The following SMAP1 variants were observed in gnomAD, a reference collection of about 807,000 sequenced individuals.
SMAP1 encodes the protein stromal membrane-associated protein 1.
A neutral mutation model predicts 58.5 loss-of-function variants in SMAP1; 24 were observed. That is an observed-to-expected ratio of 0.41 (90% CI 0.30 to 0.58). The LOEUF (loss-of-function observed/expected upper bound fraction) is 0.58, where lower values mean the gene tolerates loss of function less well. Among genes scored for constraint, SMAP1 ranks in the 20% least tolerant of loss-of-function variants. SMAP1 has a pLI of 0.29. For missense variants in SMAP1, 563 were observed against 566.3 expected (o/e 0.99, Z 0.06); for synonymous variants, 216 against 196.6 (o/e 1.10, Z -0.82).
rs112355693 is a variant in SMAP1, at chr6:70,703,109, G to A, written c.119-29269G>A. Among the ~76,000 whole-genome samples the A allele has an allele frequency of 3.7e-3, 558 of 151,246 alleles. 4 individuals are homozygous for A. The highest frequency in any genetic ancestry group is 0.013 in the African/African-American group (524 of 41,160). ...ACTTTTTTTTTTGAGACAGAGTCTC[G>A]CTCTGTCACCCAGGCTGGAGTTCAG... On this transcript the variant is annotated intron_variant, in intron 1 of 10. Transcript: ENST00000370455.
intron 3 of SMAP1, among the ~76,000 whole-genome samples, chr6:70,771,237 C>T (rs1021698974): frequency 1.3e-5 from 2 of 152,248 alleles, no homozygotes; most frequent in Non-Finnish European, 2.9e-5. Context: ...TGCCCATTCT[C>T]AGATCTCCAG....
intron 1 of SMAP1, among the ~76,000 whole-genome samples, chr6:70,713,165 C>T (rs1480734920): frequency 6.6e-6 from 1 of 152,132 alleles, no homozygotes; most frequent in Non-Finnish European, 1.5e-5. Context: ...AGTCTTCTCT[C>T]TCTTTCTCTT....
chr6:70,754,034 G>T (rs1442682687), intron 2 of SMAP1, among the ~76,000 whole-genome samples: 1 of 152,094 alleles, frequency 6.6e-6, no homozygotes, highest in Non-Finnish European at 1.5e-5. Flanking sequence ...ACTCAACGCA[G>T]ATGTCAGGTA....
At chr6:70,828,879 A>G (rs1277726002) in intron 6 of SMAP1, among the ~76,000 whole-genome samples, 1 of 152,040 alleles carries the variant, frequency 6.6e-6, no homozygotes, top group Admixed American at 6.6e-5. Flanking sequence ...CTCAAACCCC[A>G]ACAGAACAAA....
At position 70,766,115 on chromosome 6, in the gene SMAP1, T is replaced by C. The variant is rs573515051; in HGVS notation, c.339-7235T>C. 2.5e-4 allele frequency among the ~76,000 whole-genome samples: 38 copies of C among 152,318 alleles called. 1 individual carries two copies. The East Asian group carries it at 7.3e-3, about 29-fold the overall frequency. ...GCTGCATAGTATTCCATGGTGTATA[T>C]GCGCCACATTTTCTTAACCCAGTCT... On this transcript the variant is annotated intron_variant, in intron 3 of 10. Transcript: ENST00000370455.
intron 1 of SMAP1, among the ~76,000 whole-genome samples, chr6:70,702,028 T>C (rs1035568976): frequency 6.6e-6 from 1 of 152,236 alleles, no homozygotes; most frequent in Non-Finnish European, 1.5e-5. Flanking sequence ...CTTTCAGTAC[T>C]TTTAAGATAT....
intron 2 of SMAP1, among the ~76,000 whole-genome samples, chr6:70,753,926 T>C (rs1286180754): frequency 6.6e-6 from 1 of 152,042 alleles, no homozygotes; most frequent in African/African-American, 2.4e-5. Flanking sequence ...GGTGATTGTA[T>C]ATTGGAATTT....
Position 70,667,942 on chromosome 6 carries a change from G to C in SMAP1, c.-82G>C. On this transcript the variant is annotated 5_prime_UTR_variant, in exon 1 of 11. Coordinates refer to ENST00000370455, the MANE Select transcript of SMAP1 (RefSeq NM_001044305.3). ...TGAGTCCGCCCGCGGTCCCGGCGGC[G>C]CCAGGTGCGTTCACTCTGCCCGGCT... 1 of 1,254,800 alleles carries C rather than the reference G, an allele frequency of 8.0e-7. No individual in the cohort carries two copies. Among genetic ancestry groups the C allele is most frequent in the Non-Finnish European group, 1.1e-6 (1 of 906,460 alleles). The allele number at this position is 1,254,800 out of a possible 1,614,324, so 77.7% of individuals were successfully genotyped here. A position where few individuals can be genotyped will look rare whatever the true frequency, so the allele number is the denominator to read the frequency against.
At chr6:70,786,442 G>T (rs7747582) in intron 4 of SMAP1, among the ~76,000 whole-genome samples, 100,883 of 126,250 alleles carry the variant, frequency 0.8, 40,859 homozygotes, top group East Asian at 0.99. Context: ...AGTGTTGGAA[G>T]TTCTGGCCAG....
At chr6:70,673,962 T>C (rs1283065620) in intron 1 of SMAP1, among the ~76,000 whole-genome samples, 2 of 152,172 alleles carry the variant, frequency 1.3e-5, no homozygotes, top group East Asian at 3.8e-4. Flanking sequence ...TTAAGGAGGC[T>C]TACATCTCCT....
intron 8 of SMAP1, 110 bp from the exon 9 acceptor site, chr6:70,856,749 A>G: frequency 8.8e-7 from 1 of 1,132,450 alleles, no homozygotes; most frequent in Non-Finnish European, 1.2e-6. Flanking sequence ...TTTACCTTCT[A>G]CAATTGTTTG....
rs886510861 is a variant in SMAP1, at chr6:70,729,003, C to CT, written c.119-3365dup. 2.5e-3 allele frequency among the ~76,000 whole-genome samples: 375 copies of CT among 149,950 alleles called. 1 individual carries two copies. Among genetic ancestry groups the CT allele is most frequent in the African/African-American group, 8.3e-3 (341 of 40,942 alleles). On this transcript the variant is annotated intron_variant, in intron 1 of 10. Transcript: ENST00000370455. Reference sequence around the variant, plus strand: ...TGGAATATTTGATACTATTGAACATCTTTTTTTTTTCCCTGTTTTTGAAAA... The same window carrying CT: ...TGGAATATTTGATACTATTGAACATCTTTTTTTTTTTCCCTGTTTTTGAAAA...
intron 4 of SMAP1, among the ~76,000 whole-genome samples, chr6:70,778,927 A>G (rs1304524733): frequency 6.6e-6 from 1 of 152,180 alleles, no homozygotes; most frequent in East Asian, 1.9e-4. Flanking sequence ...AGTCCTGTCC[A>G]CTGCACAGGC....
At chr6:70,815,271 A>G (rs1029690853) in intron 6 of SMAP1, among the ~76,000 whole-genome samples, 1 of 152,226 alleles carries the variant, frequency 6.6e-6, no homozygotes, top group Non-Finnish European at 1.5e-5. Flanking sequence ...TTAACATTAA[A>G]GTCTAATTTA....
chr6:70,768,045 G>C (rs1324013880), intron 3 of SMAP1, among the ~76,000 whole-genome samples: 1 of 151,674 alleles, frequency 6.6e-6, no homozygotes, highest in Admixed American at 6.6e-5. Flanking sequence ...TTATATGCTG[G>C]ATTACATTTA....
rs902893216 is a variant in SMAP1, at chr6:70,668,178, T to C, written c.118+37T>C. 3.2e-6 allele frequency: 5 copies of C among 1,544,338 alleles called. No homozygotes were observed. In the African/African-American group the frequency reaches 5.7e-5, roughly 18 times the overall value. ...GTCGTCGCTGCCCACGGTCGGGGCC[T>C]CTTGCGACCGGTGACCTTCCCGCCG... On this transcript the variant is annotated intron_variant, in intron 1 of 10. Coordinates refer to ENST00000370455, the MANE Select transcript of SMAP1 (RefSeq NM_001044305.3).
At chr6:70,835,629 C>T (rs1406286355) in intron 6 of SMAP1, among the ~76,000 whole-genome samples, 1 of 152,154 alleles carries the variant, frequency 6.6e-6, no homozygotes, top group Non-Finnish European at 1.5e-5. Context: ...GCCTCAGCCT[C>T]CCGAGTAGCT....
chr6:70,800,163 T>A (rs1768782574), intron 6 of SMAP1, among the ~76,000 whole-genome samples: 2 of 152,184 alleles, frequency 1.3e-5, no homozygotes, highest in Admixed American at 6.5e-5. Context: ...ACCTCTGTAG[T>A]CCCCAGCTAC....
intron 7 of SMAP1, among the ~76,000 whole-genome samples, chr6:70,838,690 A>G (rs1770693970): frequency 6.6e-6 from 1 of 151,954 alleles, no homozygotes; most frequent in Non-Finnish European, 1.5e-5. Context: ...CAGTGTGGCT[A>G]AAGTGGAATG....
Sources: gnomAD v4.1 joint callset for allele counts (sites outside exome capture counted in the v4.1 genomes callset) on GRCh38, gnomAD v4.1.1 for gene constraint, MANE v1.5 for transcripts, NCBI Gene and HGNC (gene_info 2026-07-23, HGNC 2026-07-21) for gene names.